Variants in LAMA1 observed in about 807,000 individuals in gnomAD.
LAMA1 encodes the protein laminin subunit alpha 1, also known as laminin subunit alpha-1.
A neutral mutation model predicts 348.7 loss-of-function variants in LAMA1; 219 were observed. The observed-to-expected ratio is 0.63, with a 90% confidence interval of 0.56 to 0.70. The LOEUF (loss-of-function observed/expected upper bound fraction) is 0.70. Among genes scored for constraint, LAMA1 ranks in the 30% least tolerant of loss-of-function variants. LAMA1 has a pLI of 0.00. For synonymous variants in LAMA1, 1,487 were observed against 1,491.0 expected, an observed-to-expected ratio of 1.00 and a Z score of 0.06; for missense variants, 3,744 against 3,888.0, an observed-to-expected ratio of 0.96 and a Z score of 0.99.
At chr18:7,052,399 C>A (rs763038486) in intron 3 of LAMA1, among the ~76,000 whole-genome samples, 11 of 151,582 alleles carry the variant, frequency 7.3e-5, no homozygotes, top group Non-Finnish European at 1.6e-4. Flanking sequence ...CCACTGCACT[C>A]CAGCTTGGGC....
intron 16 of LAMA1, among the ~76,000 whole-genome samples, chr18:7,027,806 G>A (rs922152855): frequency 1.3e-5 from 2 of 152,096 alleles, no homozygotes; most frequent in African/African-American, 4.8e-5. Flanking sequence ...AGCCGGGCGT[G>A]GTGGTGTGCA....
intron 29 of LAMA1, 84 bp downstream of exon 29, chr18:7,007,055 C>A (rs990773471): frequency 1.3e-6 from 2 of 1,562,520 alleles, no homozygotes; most frequent in Admixed American, 1.8e-5. Flanking sequence ...AACCAAGGCA[C>A]GGCTATGACT....
At chr18:7,081,508 T>C (rs980743352) in intron 1 of LAMA1, among the ~76,000 whole-genome samples, 3 of 152,212 alleles carry the variant, frequency 2.0e-5, no homozygotes, top group Non-Finnish European at 4.4e-5. Context: ...GCTTTTCAAG[T>C]CATTATTGAT....
At chr18:6,963,195 A>G (rs1172802793) in intron 51 of LAMA1, among the ~76,000 whole-genome samples, 3 of 152,166 alleles carry the variant, frequency 2.0e-5, no homozygotes, top group Non-Finnish European at 4.4e-5. Context: ...ATGACACCTA[A>G]GTCCCTTCTA....
chr18:6,955,574 G>A (rs1463902216), intron 56 of LAMA1, 109 bp from the exon 57 acceptor site: 1 of 759,204 alleles, frequency 1.3e-6, no homozygotes, highest in Admixed American at 2.0e-5. Context: ...CATTAGAACA[G>A]CAACAACCAC....
At chr18:7,073,315 G>T (rs984625254) in intron 3 of LAMA1, among the ~76,000 whole-genome samples, 1 of 152,040 alleles carries the variant, frequency 6.6e-6, no homozygotes, top group African/African-American at 2.4e-5. Context: ...GAATTCAGTG[G>T]CATTAAGTAT....
chr18:6,955,328 A>G, intron 57 of LAMA1, 25 bp downstream of exon 57: 3 of 1,565,010 alleles, frequency 1.9e-6, no homozygotes, highest in Non-Finnish European at 2.6e-6. Flanking sequence ...GAGACGCCGC[A>G]TAAGGATGTT....
chr18:7,053,917 T>C (rs899060146), intron 3 of LAMA1, among the ~76,000 whole-genome samples: 1 of 151,836 alleles, frequency 6.6e-6, no homozygotes, highest in Non-Finnish European at 1.5e-5. Context: ...CAGAGTGGCA[T>C]GCAGCACCAC....
In LAMA1 at chr18:7,032,063, C is replaced by A. The variant is rs1346412853; in HGVS notation, c.2274+3G>T. The A allele has an allele frequency of 2.5e-6, 4 of 1,613,036 alleles. No homozygotes were observed. Among genetic ancestry groups the A allele is most frequent in the Admixed American group, 1.7e-5 (1 of 60,002 alleles). On this transcript the variant is annotated splice_donor_region_variant and intron_variant, in intron 16 of 62. Transcript: ENST00000389658. ...GGCACCTGAACTACAGTGAGAGACT[C>A]ACAATGCAAACGCCGTGAACATTAC... is the stretch of plus-strand genomic sequence containing the variant.
In LAMA1 at chr18:6,975,870, GAAA is replaced by G. The variant is rs2057679309; in HGVS notation, c.6489+64_6489+66del. ...CCTATTTTTTTTTCGTCAAATAAGT[GAAA>G]ATTCAGAAAAATCTAGAAGTGCATA... On this transcript the variant is annotated intron_variant, in intron 45 of 62. Transcript: ENST00000389658. 9 of 1,600,110 alleles carry G rather than the reference GAAA, an allele frequency of 5.6e-6. No individual in the cohort carries two copies. In the South Asian group the frequency reaches 1.0e-4, roughly 18 times the overall value.
chr18:6,995,586 A>G, intron 33 of LAMA1, 140 bp from the exon 34 acceptor site: 1 of 666,542 alleles, frequency 1.5e-6, no homozygotes, highest in South Asian at 1.7e-5. Context: ...AAAAAAATGG[A>G]TCACATTTAC....
At chr18:7,004,488 G>A (rs1467059366) in intron 29 of LAMA1, among the ~76,000 whole-genome samples, 2 of 152,104 alleles carry the variant, frequency 1.3e-5, no homozygotes, top group East Asian at 1.9e-4. Flanking sequence ...GAGCAGCTGG[G>A]ATTACATGCA....
intron 22 of LAMA1, 128 bp from the exon 23 acceptor site, chr18:7,014,179 T>C (rs1869292861): frequency 3.8e-6 from 3 of 789,870 alleles, no homozygotes; most frequent in Admixed American, 4.0e-5. Flanking sequence ...TCTCTTGCTA[T>C]TGCTGCATGG....
chr18:7,106,244 G>A (rs1218578747), intron 1 of LAMA1, among the ~76,000 whole-genome samples: 1 of 152,168 alleles, frequency 6.6e-6, no homozygotes, highest in Non-Finnish European at 1.5e-5. Context: ...ACAAAGCGAG[G>A]GATGGTGGCA....
At chr18:6,956,084 T>A (rs2143991904) in intron 56 of LAMA1, 1 of 297,014 alleles carries the variant, frequency 3.4e-6, no homozygotes, top group South Asian at 3.2e-5. Context: ...TGCCCCGAAC[T>A]CAAAGCCTCG....
chr18:7,050,605 T>A, intron 4 of LAMA1, 89 bp downstream of exon 4: 2 of 1,578,734 alleles, frequency 1.3e-6, no homozygotes, highest in East Asian at 4.5e-5. Context: ...ATATTAAAGA[T>A]CTTTGTATTG....
chr18:6,964,923 A>C, intron 50 of LAMA1, 120 bp from the exon 51 acceptor site: 1 of 1,142,272 alleles, frequency 8.8e-7, no homozygotes, highest in Non-Finnish European at 1.3e-6. Flanking sequence ...GATTCTGCGA[A>C]TTTGATCAGC....
At chr18:7,020,225 G>A (rs893068221) in intron 19 of LAMA1, among the ~76,000 whole-genome samples, 1 of 152,076 alleles carries the variant, frequency 6.6e-6, no homozygotes, top group Admixed American at 6.5e-5. Flanking sequence ...TACCTGGACG[G>A]CCTGTCCACA....
chr18:6,970,070 C>T (rs2057651283), intron 48 of LAMA1, among the ~76,000 whole-genome samples: 2 of 151,880 alleles, frequency 1.3e-5, no homozygotes, highest in South Asian at 2.1e-4. Flanking sequence ...GTCTAGGGGT[C>T]GGGGTGTTTT....
Sources: allele counts gnomAD v4.1 joint callset (sites outside exome capture counted in the v4.1 genomes callset), GRCh38; gene constraint gnomAD v4.1.1; transcripts MANE v1.5; gene names NCBI Gene and HGNC (gene_info 2026-07-23, HGNC 2026-07-21).